INPP4B: variants seen among roughly 807,000 people sequenced by gnomAD.
The protein encoded by INPP4B is inositol polyphosphate 4-phosphatase type II.
In INPP4B, 55 loss-of-function variants were observed where a neutral mutation model predicts 122.5. The ratio of observed to expected loss-of-function variants is 0.45; its 90% CI spans 0.36 to 0.56. The LOEUF (loss-of-function observed/expected upper bound fraction) is 0.56, where lower values mean the gene tolerates loss of function less well. Among genes scored for constraint, INPP4B ranks in the 20% least tolerant of loss-of-function variants. The probability of loss-of-function intolerance (pLI) is 0.00; values close to 1 mark genes in which losing one functional copy is unlikely to be tolerated. For missense variants in INPP4B, 1,000 were observed against 1,097.7 expected, an observed-to-expected ratio of 0.91 and a Z score of 1.26; for synonymous variants, 403 against 388.7, an observed-to-expected ratio of 1.04 and a Z score of -0.43.
intron 2 of INPP4B, among the ~76,000 whole-genome samples, chr4:142,582,195 C>A (rs72726467): frequency 0.012 from 1,755 of 140,670 alleles, 13 homozygotes; most frequent in Middle Eastern, 0.036. Flanking sequence ...CTAATGGATA[C>A]AAAAAAAAAA....
intron 1 of INPP4B, among the ~76,000 whole-genome samples, chr4:142,777,056 G>T (rs1774030116): frequency 6.6e-6 from 1 of 152,172 alleles, no homozygotes; most frequent in Non-Finnish European, 1.5e-5. Flanking sequence ...ACTCATGAAT[G>T]CATGTCCAAA....
intron 23 of INPP4B, among the ~76,000 whole-genome samples, chr4:142,089,850 G>A (rs1009864048): frequency 1.3e-5 from 2 of 152,136 alleles, no homozygotes; most frequent in Non-Finnish European, 2.9e-5. Context: ...AAAGCCCTGA[G>A]TTAGGGCAAC....
intron 2 of INPP4B, among the ~76,000 whole-genome samples, chr4:142,687,325 T>A (rs1304994945): frequency 1.3e-5 from 2 of 151,900 alleles, no homozygotes; most frequent in African/African-American, 4.8e-5. Flanking sequence ...ATAGCTCCAA[T>A]ACCAAAGCCC....
At chr4:142,134,059 G>A (rs948351402) in intron 18 of INPP4B, among the ~76,000 whole-genome samples, 3 of 152,022 alleles carry the variant, frequency 2.0e-5, no homozygotes, top group Non-Finnish European at 2.9e-5. Context: ...TAAACTTCAG[G>A]AGAGCCAGTG....
At chr4:142,093,983 A>C (rs1391682383) in intron 23 of INPP4B, among the ~76,000 whole-genome samples, 1 of 152,204 alleles carries the variant, frequency 6.6e-6, no homozygotes, top group Non-Finnish European at 1.5e-5. Flanking sequence ...AACATTATAC[A>C]TTGGAGACCA....
intron 12 of INPP4B, among the ~76,000 whole-genome samples, chr4:142,215,385 C>T (rs978682521): frequency 6.6e-6 from 1 of 152,158 alleles, no homozygotes; most frequent in Non-Finnish European, 1.5e-5. Context: ...GGAACCTGGG[C>T]AGTTGATTTA....
At chr4:142,360,928 C>T (rs924711676) in intron 7 of INPP4B, among the ~76,000 whole-genome samples, 1 of 151,898 alleles carries the variant, frequency 6.6e-6, no homozygotes, top group African/African-American at 2.4e-5. Flanking sequence ...TTTATATATA[C>T]ATATCTATAT....
intron 7 of INPP4B, among the ~76,000 whole-genome samples, chr4:142,370,710 C>T (rs1024802525): frequency 6.6e-6 from 1 of 151,818 alleles, no homozygotes; most frequent in Non-Finnish European, 1.5e-5. Context: ...AAAAAAACAC[C>T]TAGGAATAAA....
chr4:142,463,269 T>C (rs1467219518), intron 2 of INPP4B, among the ~76,000 whole-genome samples: 2 of 152,178 alleles, frequency 1.3e-5, no homozygotes, highest in African/African-American at 2.4e-5. Context: ...ATGATGAACA[T>C]TTATTTTTGC....
intron 7 of INPP4B, among the ~76,000 whole-genome samples, chr4:142,338,186 T>C (rs1777487655): frequency 6.6e-6 from 1 of 152,154 alleles, no homozygotes; most frequent in Non-Finnish European, 1.5e-5. Context: ...AAAAATTATG[T>C]GATTAAGTGC....
chr4:142,513,726 A>G (rs2149880501), intron 2 of INPP4B, among the ~76,000 whole-genome samples: 1 of 152,240 alleles, frequency 6.6e-6, no homozygotes, highest in African/African-American at 2.4e-5. Context: ...CTTTTATAAA[A>G]GGGCACTAAT....
chr4:142,796,106 T>A (rs1186087541), intron 1 of INPP4B, among the ~76,000 whole-genome samples: 1 of 151,984 alleles, frequency 6.6e-6, no homozygotes, highest in East Asian at 1.9e-4. Flanking sequence ...AATGTGAGGA[T>A]CTTGAAGATA....
intron 18 of INPP4B, among the ~76,000 whole-genome samples, chr4:142,125,206 C>G (rs1798161459): frequency 6.6e-6 from 1 of 151,962 alleles, no homozygotes; most frequent in Non-Finnish European, 1.5e-5. Flanking sequence ...TTGTTTATTG[C>G]TCTCCCTTGG....
At chr4:142,042,516 G>GTGTGTGTGTATGTGTGTGTGTGTGTA (rs1297140777) in intron 25 of INPP4B, among the ~76,000 whole-genome samples, 4 of 48,126 alleles carry the variant, frequency 8.3e-5, no homozygotes, top group Admixed American at 6.0e-4. Flanking sequence ...TTATGTGTGT[G>GTGTGTGTGTATGTGTGTGTGTGTGTA]TGTATGTATG....
chr4:142,640,288 G>C (rs1469406877), intron 2 of INPP4B, among the ~76,000 whole-genome samples: 2 of 151,928 alleles, frequency 1.3e-5, no homozygotes, highest in East Asian at 1.9e-4. Context: ...TGCTCTATTG[G>C]AAATTAAGAC....
At chr4:142,183,384 C>T (rs1392390615) in intron 15 of INPP4B, among the ~76,000 whole-genome samples, 1 of 152,188 alleles carries the variant, frequency 6.6e-6, no homozygotes, top group African/African-American at 2.4e-5. Flanking sequence ...AAAGTCCCCT[C>T]TAATAAAGAT....
chr4:142,151,026 T>C (rs749854241), intron 17 of INPP4B, among the ~76,000 whole-genome samples: 1 of 152,146 alleles, frequency 6.6e-6, no homozygotes, highest in Non-Finnish European at 1.5e-5. Flanking sequence ...AGGACTTTGA[T>C]TAGAAACAGT....
At chr4:142,209,746 T>C (rs1171483799) in intron 12 of INPP4B, among the ~76,000 whole-genome samples, 1 of 141,040 alleles carries the variant, frequency 7.1e-6, no homozygotes, top group Non-Finnish European at 1.5e-5. Flanking sequence ...TGAGCCAAGA[T>C]TGTGCCACTG....
chr4:142,332,296 T>TC (rs1163672941), intron 7 of INPP4B, among the ~76,000 whole-genome samples: 19 of 152,192 alleles, frequency 1.2e-4, no homozygotes, highest in Non-Finnish European at 2.5e-4. Context: ...GGCTTTATTT[T>TC]CCGTTTAAAA....
Sources: allele counts gnomAD v4.1 joint callset (sites outside exome capture counted in the v4.1 genomes callset), GRCh38; gene constraint gnomAD v4.1.1; transcripts MANE v1.5; gene names NCBI Gene and HGNC (gene_info 2026-07-23, HGNC 2026-07-21).